Variants in CWC27 observed in about 807,000 individuals in gnomAD.
CWC27 encodes spliceosome-associated protein CWC27 homolog.
In CWC27, 47 loss-of-function variants were observed where a neutral mutation model predicts 63.6. The observed-to-expected ratio is 0.74, with a 90% CI of 0.58 to 0.94. The LOEUF (loss-of-function observed/expected upper bound fraction) is 0.94. Ranked by LOEUF, CWC27 falls within the 40% of genes least tolerant of loss-of-function variation. CWC27 has a pLI of 0.00. For synonymous variants in CWC27, 175 were observed against 179.8 expected, an observed-to-expected ratio of 0.97 and a Z score of 0.22; for missense variants, 495 against 554.3, an observed-to-expected ratio of 0.89 and a Z score of 1.07.
intron 11 of CWC27, among the ~76,000 whole-genome samples, chr5:64,959,997 G>A (rs1176984782): frequency 6.6e-6 from 1 of 152,144 alleles, no homozygotes; most frequent in Non-Finnish European, 1.5e-5. Context: ...TAATTAAGGA[G>A]AATCGAGAAA....
At chr5:64,844,802 G>A (rs1745932797) in intron 10 of CWC27, 1 of 431,788 alleles carries the variant, frequency 2.3e-6, no homozygotes. Context: ...GTTTGACCCA[G>A]GCAGTCAAAC....
intron 10 of CWC27, among the ~76,000 whole-genome samples, chr5:64,833,091 A>C (rs985762423): frequency 6.6e-6 from 1 of 151,858 alleles, no homozygotes; most frequent in African/African-American, 2.4e-5. Flanking sequence ...GATTTAAAAT[A>C]TGTAAAGCTC....
intron 13 of CWC27, among the ~76,000 whole-genome samples, chr5:65,000,898 CTG>C (rs1749720799): frequency 6.6e-6 from 1 of 152,044 alleles, no homozygotes; most frequent in African/African-American, 2.4e-5. Flanking sequence ...TGCATTGACT[CTG>C]TAGATTGTTT....
At chr5:64,785,286 T>C (rs947336113) in intron 4 of CWC27, among the ~76,000 whole-genome samples, 195 bp from the exon 5 acceptor site, 6 of 152,152 alleles carry the variant, frequency 3.9e-5, no homozygotes, top group African/African-American at 7.2e-5. Flanking sequence ...AAAAAACTTA[T>C]TGGGGGATTG....
intron 12 of CWC27, among the ~76,000 whole-genome samples, chr5:64,973,791 T>C (rs1749170785): frequency 6.6e-6 from 1 of 152,234 alleles, no homozygotes; most frequent in African/African-American, 2.4e-5. Flanking sequence ...CAAACTGCCT[T>C]GCCACTTGTA....
intron 11 of CWC27, among the ~76,000 whole-genome samples, chr5:64,913,344 A>T (rs1036714450): frequency 2.6e-5 from 4 of 152,194 alleles, no homozygotes; most frequent in Admixed American, 2.6e-4. Context: ...ATTCAACATT[A>T]TTATATTCAT....
intron 10 of CWC27, among the ~76,000 whole-genome samples, chr5:64,826,076 A>AATCTATCTGTCTATCTATCT (rs1554070972): frequency 0.01 from 1,546 of 148,428 alleles, 14 homozygotes; most frequent in Non-Finnish European, 0.013. Context: ...CTTTGTAATA[A>AATCTATCTGTCTATCTATCT]ATCTATCTAT....
At chr5:64,797,670 T>C (rs1744324471) in intron 7 of CWC27, among the ~76,000 whole-genome samples, 1 of 152,198 alleles carries the variant, frequency 6.6e-6, no homozygotes, top group Admixed American at 6.5e-5. Flanking sequence ...TTAAATTAGC[T>C]AAATGGAGCT....
intron 13 of CWC27, among the ~76,000 whole-genome samples, chr5:65,002,320 A>G (rs916366433): frequency 6.6e-6 from 1 of 151,986 alleles, no homozygotes; most frequent in Non-Finnish European, 1.5e-5. Flanking sequence ...AATTCTGTCT[A>G]ATCTTTATTA....
At chr5:64,847,747 A>G (rs544950491) in intron 10 of CWC27, among the ~76,000 whole-genome samples, 106 of 152,308 alleles carry the variant, frequency 7.0e-4, no homozygotes, top group African/African-American at 2.4e-3. Context: ...TTAAAAATAC[A>G]TGGAAATTGC....
chr5:64,975,455 C>A (rs1001985577), intron 12 of CWC27, among the ~76,000 whole-genome samples: 1 of 152,048 alleles, frequency 6.6e-6, no homozygotes, highest in Non-Finnish European at 1.5e-5. Flanking sequence ...CTTGATTTCT[C>A]GGACAGGTAG....
chr5:64,972,571 G>T (rs1749146366), intron 12 of CWC27: 1 of 389,272 alleles, frequency 2.6e-6, no homozygotes, highest in East Asian at 7.0e-5. Context: ...CACCATTTTA[G>T]TTGTATAAAT....
chr5:64,798,798 A>G (rs1464005001), intron 7 of CWC27, among the ~76,000 whole-genome samples: 1 of 152,216 alleles, frequency 6.6e-6, no homozygotes, highest in Admixed American at 6.5e-5. Context: ...TTTAGTTAAC[A>G]TACTTTGTAA....
chr5:64,937,921 C>CTTTTTTTTTTTTTTTTTTTTTTTTT (rs1211082437), intron 11 of CWC27, among the ~76,000 whole-genome samples: 8 of 99,302 alleles, frequency 8.1e-5, no homozygotes, highest in African/African-American at 3.5e-4. Flanking sequence ...GCAATCTCTG[C>CTTTTTTTTTTTTTTTTTTTTTTTTT]TTTTTTTTTT....
At chr5:65,007,033 AAGG>A (rs1166747049) in intron 13 of CWC27, among the ~76,000 whole-genome samples, 3 of 151,952 alleles carry the variant, frequency 2.0e-5, no homozygotes, top group African/African-American at 7.2e-5. Flanking sequence ...AAAAGAAAGA[AAGG>A]AGTAATTTTG....
At chr5:64,849,802 C>T (rs1244609144) in intron 10 of CWC27, among the ~76,000 whole-genome samples, 1 of 152,076 alleles carries the variant, frequency 6.6e-6, no homozygotes, top group Admixed American at 6.6e-5. Context: ...TGGCAGTTCT[C>T]TCTCTCTCTC....
intron 10 of CWC27, among the ~76,000 whole-genome samples, chr5:64,839,538 G>A (rs867074137): frequency 6.6e-6 from 1 of 152,240 alleles, no homozygotes; most frequent in South Asian, 2.1e-4. Context: ...TTTTGGAGGG[G>A]ACTTGAGAAA....
intron 13 of CWC27, among the ~76,000 whole-genome samples, chr5:64,998,041 T>C (rs1444393486): frequency 6.6e-6 from 1 of 152,178 alleles, no homozygotes; most frequent in East Asian, 1.9e-4. Flanking sequence ...ATTATGATTA[T>C]TTGAATTCTA....
rs1744724004 is a variant in CWC27, at chr5:64,807,492, T to C, written c.938+3106T>C. 4 of 1,366,556 alleles carry C rather than the reference T, an allele frequency of 2.9e-6. No homozygotes were observed. In the East Asian group the frequency reaches 1.0e-4, roughly 36 times the overall value. 84.7% of individuals were successfully genotyped at this position (1,366,556 alleles called of 1,614,324 possible). A position where few individuals can be genotyped will look rare whatever the true frequency, so the allele number is the denominator to read the frequency against. ...ATACAAATCCAAAACGCTTCCTAGT[T>C]TCTCTCCTTAGAGAATCGGCACCCT... is the stretch of plus-strand genomic sequence containing the variant. On this transcript the variant is annotated intron_variant, in intron 10 of 13. Coordinates refer to ENST00000381070, the MANE Select transcript of CWC27 (RefSeq NM_005869.4).
Sources: gnomAD v4.1 joint callset for allele counts (sites outside exome capture counted in the v4.1 genomes callset) on GRCh38, gnomAD v4.1.1 for gene constraint, MANE v1.5 for transcripts, NCBI Gene and HGNC (gene_info 2026-07-23, HGNC 2026-07-21) for gene names.